Variants in TRPM3 observed in about 807,000 individuals in gnomAD.
TRPM3 encodes long transient receptor potential channel 3.
A neutral mutation model predicts 181.2 loss-of-function variants in TRPM3; 77 were observed. The observed-to-expected ratio is 0.42, with a 90% CI of 0.35 to 0.51. The LOEUF is 0.51. Among genes scored for constraint, TRPM3 ranks in the 20% least tolerant of loss-of-function variants. The pLI, the probability that TRPM3 is intolerant of heterozygous loss-of-function variation, is 0.01. For missense variants in TRPM3, 1,759 were observed against 2,196.7 expected, an observed-to-expected ratio of 0.80 and a Z score of 3.98; for synonymous variants, 745 against 796.4, an observed-to-expected ratio of 0.94 and a Z score of 1.09.
chr9:70,753,019 A>G (rs2076454758), intron 8 of TRPM3, among the ~76,000 whole-genome samples: 1 of 152,074 alleles, frequency 6.6e-6, no homozygotes, highest in Admixed American at 6.6e-5. Flanking sequence ...AGGCAGGAGA[A>G]TTGCTTGAAC....
rs141143241 is a variant in TRPM3, at chr9:71,359,666, T to C, written c.183+86987A>G. ...TTTCTTAGTAACTTTCTTGGGTGCA[T>C]GTTTCCATCTAGGATTTTAATATGT... On this transcript the variant is annotated intron_variant, in intron 1 of 24. Coordinates refer to the TRPM3 transcript ENST00000357533. 2.4e-3 allele frequency among the ~76,000 whole-genome samples: 365 copies of C among 152,306 alleles called. 7 individuals carry two copies. The highest frequency in any genetic ancestry group is 0.018 in the Admixed American group (269 of 15,284).
intron 8 of TRPM3, among the ~76,000 whole-genome samples, chr9:70,683,323 A>G (rs2065921160): frequency 6.6e-6 from 1 of 151,402 alleles, no homozygotes; most frequent in Non-Finnish European, 1.5e-5. Context: ...GGGTTCAAAC[A>G]ATCCTTCCAC....
At chr9:71,139,439 A>T (rs1244420821) in intron 1 of TRPM3, among the ~76,000 whole-genome samples, 2 of 152,118 alleles carry the variant, frequency 1.3e-5, no homozygotes, top group African/African-American at 4.8e-5. Flanking sequence ...TACATTTCAG[A>T]CTTAAAAATA....
intron 6 of TRPM3, among the ~76,000 whole-genome samples, chr9:70,812,491 C>G (rs1346803342): frequency 6.6e-6 from 1 of 152,166 alleles, no homozygotes; most frequent in African/African-American, 2.4e-5. Context: ...AATGGCCAAC[C>G]AAGAGCAACT....
At chr9:71,433,805 G>C (rs997244011) in intron 1 of TRPM3, among the ~76,000 whole-genome samples, 13 of 152,132 alleles carry the variant, frequency 8.5e-5, no homozygotes, top group Non-Finnish European at 1.8e-4. Context: ...CTAGCTCTTT[G>C]TGCTTCTAAC....
intron 1 of TRPM3, among the ~76,000 whole-genome samples, chr9:71,117,381 G>A (rs566056782): frequency 2.6e-5 from 4 of 152,200 alleles, no homozygotes; most frequent in South Asian, 2.1e-4. Context: ...AAATGTAATC[G>A]TGGTTTTTGC....
chr9:70,976,067 A>AT (rs776696996), intron 1 of TRPM3, among the ~76,000 whole-genome samples: 45 of 152,216 alleles, frequency 3.0e-4, no homozygotes, highest in Non-Finnish European at 4.7e-4. Context: ...TCTAGCACGT[A>AT]TTTTCAGTGC....
intron 1 of TRPM3, among the ~76,000 whole-genome samples, chr9:71,244,287 C>A (rs1376237468): frequency 1.3e-5 from 2 of 152,064 alleles, no homozygotes; most frequent in East Asian, 3.9e-4. Context: ...AGCATGGGGT[C>A]GGGAGCTGGG....
At chr9:70,930,747 G>A (rs1426198357) in intron 1 of TRPM3, among the ~76,000 whole-genome samples, 1 of 152,082 alleles carries the variant, frequency 6.6e-6, no homozygotes, top group East Asian at 1.9e-4. Flanking sequence ...AATATCAAAA[G>A]TGATATCCTT....
At position 71,232,654 on chromosome 9, in the gene TRPM3, C is replaced by T. The variant is rs555691592; in HGVS notation, c.183+213999G>A. On this transcript the variant is annotated intron_variant, in intron 1 of 24. Coordinates refer to the TRPM3 transcript ENST00000357533. Reference sequence around the variant, plus strand: ...TAGCTGGGACTACAGGTGCATGCCACCACACCCAGCTAATTTTTGTATTTT... The same window carrying T: ...TAGCTGGGACTACAGGTGCATGCCATCACACCCAGCTAATTTTTGTATTTT... Among the ~76,000 whole-genome samples the T allele has an allele frequency of 7.9e-5, 12 of 151,968 alleles. No homozygotes were observed. The South Asian group carries it at 2.5e-3, about 32-fold the overall frequency.
intron 6 of TRPM3, among the ~76,000 whole-genome samples, chr9:70,797,535 G>GCT (rs1328789688): frequency 6.6e-6 from 1 of 152,094 alleles, no homozygotes. Flanking sequence ...CTCTTCCAGA[G>GCT]CTCTCTCTCT....
At chr9:70,889,576 C>G (rs934116486) in intron 1 of TRPM3, among the ~76,000 whole-genome samples, 1 of 152,124 alleles carries the variant, frequency 6.6e-6, no homozygotes, top group African/African-American at 2.4e-5. Context: ...GAGCACCAAA[C>G]AGACCTCATG....
chr9:70,624,590 G>A (rs932148773), intron 14 of TRPM3, among the ~76,000 whole-genome samples: 27 of 152,290 alleles, frequency 1.8e-4, no homozygotes, highest in Non-Finnish European at 2.5e-4. Context: ...TATGTAAAGA[G>A]GGTTAAAATA....
rs371140112 is a variant in TRPM3, at chr9:71,180,189, G to T, written c.183+266464C>A. On this transcript the variant is annotated intron_variant, in intron 1 of 24. Coordinates refer to the TRPM3 transcript ENST00000357533. ...CCTGTCTCAGCCTCCTGAGTAGCTG[G>T]GATTACAGATGTGCATCAGCACACC... Among the ~76,000 whole-genome samples the T allele has an allele frequency of 9.0e-4, 136 of 151,246 alleles. 1 individual carries two copies. Among genetic ancestry groups the T allele is most frequent in the African/African-American group, 3.1e-3 (126 of 41,258 alleles).
At chr9:70,954,371 G>C (rs1564835565) in intron 1 of TRPM3, among the ~76,000 whole-genome samples, 1 of 152,124 alleles carries the variant, frequency 6.6e-6, no homozygotes, top group Non-Finnish European at 1.5e-5. Context: ...TAAGTATGTA[G>C]AGGAATGTGA....
chr9:71,289,875 C>CAAAAA (rs71352367), intron 1 of TRPM3, among the ~76,000 whole-genome samples: 7 of 39,792 alleles, frequency 1.8e-4, no homozygotes, highest in South Asian at 1.6e-3. Context: ...GACTCTGTCT[C>CAAAAA]AAAAAAAAAA....
intron 1 of TRPM3, among the ~76,000 whole-genome samples, chr9:71,237,019 C>T (rs1288476657): frequency 8.2e-5 from 10 of 122,126 alleles, no homozygotes; most frequent in African/African-American, 2.9e-4. Context: ...TGTACTCCAG[C>T]CTGGGCGATA....
intron 1 of TRPM3, among the ~76,000 whole-genome samples, chr9:71,270,978 A>G (rs1368703826): frequency 6.6e-6 from 1 of 152,224 alleles, no homozygotes; most frequent in African/African-American, 2.4e-5. Context: ...CAGTTGAGCC[A>G]TCAGATAATG....
rs1390578096 is a variant in TRPM3, at chr9:71,282,079, AG to A, written c.183+164573del. ...AGAAAGAGAGAAAGAAAGGAAAGAA[AG>A]GAAAGAAAGAGAGAAAGAAAGAAAA... On this transcript the variant is annotated intron_variant, in intron 1 of 24. Transcript: ENST00000357533. Among the ~76,000 whole-genome samples the A allele has an allele frequency of 3.1e-3, 140 of 45,792 alleles. 28 individuals are homozygous for A. Among genetic ancestry groups the A allele is most frequent in the African/African-American group, 0.015 (137 of 8,954 alleles). 30.0% of individuals were successfully genotyped at this position (45,792 alleles called of 152,430 possible). A position where few individuals can be genotyped will look rare whatever the true frequency, so the allele number is the denominator to read the frequency against.
Sources: allele counts gnomAD v4.1 joint callset (sites outside exome capture counted in the v4.1 genomes callset), GRCh38; gene constraint gnomAD v4.1.1; transcripts MANE v1.5; gene names NCBI Gene and HGNC (gene_info 2026-07-23, HGNC 2026-07-21).